ASCC1: variants seen among roughly 807,000 people sequenced by gnomAD.
The protein encoded by ASCC1 is ASC-1 complex subunit P50.
ASCC1 carries 35 observed loss-of-function variants against 46.6 expected under a neutral mutation model. The ratio of observed to expected loss-of-function variants is 0.75; its 90% CI spans 0.57 to 0.99. The LOEUF (loss-of-function observed/expected upper bound fraction) is 0.99. Among genes scored for constraint, ASCC1 ranks in the 50% least tolerant of loss-of-function variants. The probability of loss-of-function intolerance (pLI) is 0.00; values close to 1 mark genes in which losing one functional copy is unlikely to be tolerated. For missense variants in ASCC1, 376 were observed against 428.7 expected (o/e 0.88, Z 1.09); for synonymous variants, 143 against 146.6 (o/e 0.98, Z 0.18).
At chr10:72,103,971 C>A (rs1406572653) in intron 9 of ASCC1, among the ~76,000 whole-genome samples, 1 of 152,104 alleles carries the variant, frequency 6.6e-6, no homozygotes, top group Non-Finnish European at 1.5e-5. Context: ...CTGAAGGCTC[C>A]CGTGTCATGT....
rs1199567373 is a variant in ASCC1, at chr10:72,164,056, G to A, written c.490-2382C>T. Among the ~76,000 whole-genome samples, 5 of 151,962 alleles carry A rather than the reference G, an allele frequency of 3.3e-5. No homozygotes were observed. In the East Asian group the frequency reaches 7.7e-4, roughly 24 times the overall value. On this transcript the variant is annotated intron_variant, in intron 5 of 9. Transcript: ENST00000672957. ...TGGCTCGCTACAACTTTTGCCTCCCGGGTTCAAGCAATTCTCCTGCCTCAG... is the reference window on the plus strand; with the variant it reads ...TGGCTCGCTACAACTTTTGCCTCCCAGGTTCAAGCAATTCTCCTGCCTCAG...
At chr10:72,106,612 G>A (rs973754125) in intron 9 of ASCC1, among the ~76,000 whole-genome samples, 2 of 152,134 alleles carry the variant, frequency 1.3e-5, no homozygotes, top group African/African-American at 2.4e-5. Context: ...ATGAACAGAA[G>A]ACAGGCTGAC....
intron 8 of ASCC1, among the ~76,000 whole-genome samples, chr10:72,131,866 T>C (rs796536676): frequency 6.8e-6 from 1 of 147,896 alleles, no homozygotes; most frequent in South Asian, 2.1e-4. Context: ...TCTTCTCCTC[T>C]AGATAGATTT....
intron 6 of ASCC1, among the ~76,000 whole-genome samples, chr10:72,160,483 A>G (rs1045432676): frequency 1.1e-4 from 17 of 152,184 alleles, no homozygotes; most frequent in African/African-American, 4.1e-4. Context: ...AAAATTTTAC[A>G]GTAAAAAAAG....
intron 8 of ASCC1, among the ~76,000 whole-genome samples, chr10:72,129,081 A>T (rs1161318949): frequency 6.6e-6 from 1 of 152,216 alleles, no homozygotes; most frequent in African/African-American, 2.4e-5. Flanking sequence ...CTAGAGTTTT[A>T]AAAACTCCAT....
intron 9 of ASCC1, among the ~76,000 whole-genome samples, chr10:72,107,305 C>CG (rs1842443232): frequency 7.2e-6 from 1 of 138,642 alleles, no homozygotes; most frequent in Non-Finnish European, 1.6e-5. Context: ...ATAAGTTACC[C>CG]CCCCCCCAAA....
At chr10:72,108,077 T>C (rs1346925317) in intron 9 of ASCC1, among the ~76,000 whole-genome samples, 1 of 133,490 alleles carries the variant, frequency 7.5e-6, no homozygotes, top group East Asian at 2.0e-4. Context: ...TTTCTTTTTC[T>C]TTTTTTTTTT....
chr10:72,137,131 G>T (rs1846327595), intron 7 of ASCC1, among the ~76,000 whole-genome samples: 1 of 151,894 alleles, frequency 6.6e-6, no homozygotes, highest in African/African-American at 2.4e-5. Flanking sequence ...GCTCAAGTAG[G>T]TCTTGAACTC....
intron 5 of ASCC1, among the ~76,000 whole-genome samples, chr10:72,170,970 C>G (rs919939682): frequency 6.6e-6 from 1 of 152,012 alleles, no homozygotes; most frequent in Non-Finnish European, 1.5e-5. Flanking sequence ...TCCCACCCCC[C>G]CCAATATTTT....
chr10:72,147,986 C>T (rs1174823987), intron 7 of ASCC1, among the ~76,000 whole-genome samples: 1 of 152,146 alleles, frequency 6.6e-6, no homozygotes, highest in African/African-American at 2.4e-5. Flanking sequence ...ATGACATTAT[C>T]TATCTTTTTA....
chr10:72,149,369 C>T (rs1006958737), intron 7 of ASCC1, among the ~76,000 whole-genome samples: 33 of 127,928 alleles, frequency 2.6e-4, no homozygotes, highest in Admixed American at 6.9e-4. Flanking sequence ...ACCCGGGAGG[C>T]GGAGCTTGCA....
intron 5 of ASCC1, among the ~76,000 whole-genome samples, chr10:72,186,903 C>CAA (rs774360944): frequency 7.0e-5 from 4 of 57,050 alleles, no homozygotes; most frequent in Non-Finnish European, 7.3e-5. Flanking sequence ...TGTCAGCAGC[C>CAA]AAAAAAAAAA....
At chr10:72,165,218 G>C (rs1850194297) in intron 5 of ASCC1, among the ~76,000 whole-genome samples, 1 of 152,162 alleles carries the variant, frequency 6.6e-6, no homozygotes, top group African/African-American at 2.4e-5. Context: ...AGGTTCAAGT[G>C]ATTTGCCTGC....
At chr10:72,170,448 T>C (rs111479163) in intron 5 of ASCC1, among the ~76,000 whole-genome samples, 19 of 152,034 alleles carry the variant, frequency 1.2e-4, no homozygotes, top group African/African-American at 4.3e-4. Flanking sequence ...AAAAAGCCAA[T>C]GTCAAGAAAG....
At chr10:72,130,328 C>G (rs1485816012) in intron 8 of ASCC1, among the ~76,000 whole-genome samples, 1 of 151,940 alleles carries the variant, frequency 6.6e-6, no homozygotes, top group African/African-American at 2.4e-5. Flanking sequence ...CAAGTTTAAC[C>G]AGACTAAAAA....
intron 4 of ASCC1, among the ~76,000 whole-genome samples, chr10:72,202,561 G>A (rs1856642561): frequency 6.6e-6 from 1 of 151,934 alleles, no homozygotes; most frequent in Admixed American, 6.6e-5. Context: ...TACAACAAAA[G>A]CCTATGCCCT....
chr10:72,154,763 A>G (rs1848752365), intron 6 of ASCC1, among the ~76,000 whole-genome samples: 1 of 152,184 alleles, frequency 6.6e-6, no homozygotes, highest in African/African-American at 2.4e-5. Flanking sequence ...AAGTGCTGGG[A>G]TTACAGGCGT....
At chr10:72,175,973 C>T (rs902616333) in intron 5 of ASCC1, among the ~76,000 whole-genome samples, 1 of 152,226 alleles carries the variant, frequency 6.6e-6, no homozygotes, top group Non-Finnish European at 1.5e-5. Context: ...GGGATTACTA[C>T]AAGTCTTACT....
intron 4 of ASCC1, 47 bp downstream of exon 4, chr10:72,203,380 A>G (rs1456608683): frequency 1.5e-6 from 2 of 1,368,650 alleles, no homozygotes; most frequent in Admixed American, 1.7e-5. Context: ...TATTCCATAA[A>G]CATGCAAAAG....
Sources: gnomAD v4.1 joint callset for allele counts (sites outside exome capture counted in the v4.1 genomes callset) on GRCh38, gnomAD v4.1.1 for gene constraint, MANE v1.5 for transcripts, NCBI Gene and HGNC (gene_info 2026-07-23, HGNC 2026-07-21) for gene names.